Variants in FFAR4 observed in about 807,000 individuals in gnomAD.
FFAR4 encodes the protein free fatty acid receptor 4.
In FFAR4, 19 loss-of-function variants were observed where a neutral mutation model predicts 27.0. The observed-to-expected ratio is 0.70, with a 90% CI of 0.49 to 1.03. FFAR4 has a LOEUF of 1.03. FFAR4 is among the 50% of genes least tolerant of loss of function. FFAR4 has a pLI of 0.00. For synonymous variants in FFAR4, 254 were observed against 215.6 expected, an observed-to-expected ratio of 1.18 and a Z score of -1.56; for missense variants, 476 against 479.0, an observed-to-expected ratio of 0.99 and a Z score of 0.06.
rs118037779 is a variant in FFAR4 at position 93,587,078 on chromosome 10, C to T, written c.697-142C>T. The T allele has an allele frequency of 5.9e-3, 4,032 of 688,240 alleles. 16 individuals carry two copies. Among genetic ancestry groups the T allele is most frequent in the Middle Eastern group, 0.013 (31 of 2,406 alleles). 42.6% of individuals were successfully genotyped at this position (688,240 alleles called of 1,614,324 possible). A position where few individuals can be genotyped will look rare whatever the true frequency, so the allele number is the denominator to read the frequency against. On this transcript the variant is annotated intron_variant, in intron 2 of 2. Transcript: ENST00000371481. ...CGGGGTCCCATTTCTCCAGCACATC[C>T]TAAGCTCGGGCACACAAAGTCCCAG... is the stretch of plus-strand genomic sequence containing the variant.
chr10:93,576,453 T>A (rs2058164734), intron 2 of FFAR4, among the ~76,000 whole-genome samples: 1 of 152,182 alleles, frequency 6.6e-6, no homozygotes, highest in Non-Finnish European at 1.5e-5. Context: ...AAAATTAAAT[T>A]AAAATGAAAG....
At chr10:93,567,378 C>A in intron 1 of FFAR4, 91 bp downstream of exon 1, 2 of 1,092,948 alleles carry the variant, frequency 1.8e-6, no homozygotes, top group East Asian at 2.5e-5. Context: ...TGATCAAGAA[C>A]AACAATAGCC....
chr10:93,575,752 G>A lies in FFAR4; in HGVS notation c.568-339G>A, dbSNP rs114703310. 4.5e-3 allele frequency among the ~76,000 whole-genome samples: 680 copies of A among 152,340 alleles called. 7 individuals carry two copies. The highest frequency in any genetic ancestry group is 0.015 in the African/African-American group (640 of 41,578). ...TTCTCCTTTGTAAAATGGCAGGCTT[G>A]GAAGAGAAGGCTCGAAAGCCCTTTG... is the stretch of plus-strand genomic sequence containing the variant. On this transcript the variant is annotated intron_variant, in intron 1 of 2. Transcript: ENST00000371481.
intron 2 of FFAR4, among the ~76,000 whole-genome samples, chr10:93,585,440 C>G (rs2058221526): frequency 6.6e-6 from 1 of 152,224 alleles, no homozygotes; most frequent in African/African-American, 2.4e-5. Context: ...CTCTTTCTTG[C>G]TGGGGCAGGG....
At chr10:93,576,371 G>A (rs1484467201) in intron 2 of FFAR4, 152 bp downstream of exon 2, 1 of 712,746 alleles carries the variant, frequency 1.4e-6, no homozygotes, top group South Asian at 2.3e-5. Flanking sequence ...AGGAAGGAGA[G>A]GATTTTTTTA....
At chr10:93,587,098 TC>T in intron 2 of FFAR4, 121 bp from the exon 3 acceptor site, 1 of 822,572 alleles carries the variant, frequency 1.2e-6, no homozygotes, top group Non-Finnish European at 1.9e-6. Context: ...GCACACAAAG[TC>T]CCAGAGGCAC....
chr10:93,589,688 C>A lies in FFAR4; in HGVS notation c.*2079C>A, dbSNP rs2058251331. 1 of 151,946 alleles carries A rather than the reference C, an allele frequency of 6.6e-6. No homozygotes were observed. Among genetic ancestry groups the A allele is most frequent in the Non-Finnish European group, 1.5e-5 (1 of 68,014 alleles). 9.4% of individuals were successfully genotyped at this position (151,946 alleles called of 1,614,324 possible). ...TCCAAATTGAATAGGCAGTTGGATG[C>A]AGAGATGTGGAGCTTGGGCCTGGAG... is the stretch of plus-strand genomic sequence containing the variant. On this transcript the variant is annotated 3_prime_UTR_variant, in exon 3 of 3. Coordinates refer to ENST00000371481, the MANE Select transcript of FFAR4 (RefSeq NM_001195755.2).
At chr10:93,579,119 GTCTAAACCCACAGCCGGCC>G in intron 2 of FFAR4, 5 of 1,602,908 alleles carry the variant, frequency 3.1e-6, no homozygotes, top group Non-Finnish European at 4.3e-6. Context: ...AGCACCTTGT[GTCTAAACCCACAGCCGGCC>G]TTCACTTCTC....
chr10:93,578,531 C>G (rs1337914394), intron 2 of FFAR4, among the ~76,000 whole-genome samples: 2 of 151,420 alleles, frequency 1.3e-5, no homozygotes, highest in Non-Finnish European at 2.9e-5. Context: ...CTGCCACTTA[C>G]TTGCTGTGTG....
At chr10:93,573,263 A>G (rs1375562175) in intron 1 of FFAR4, among the ~76,000 whole-genome samples, 1 of 152,246 alleles carries the variant, frequency 6.6e-6, no homozygotes, top group African/African-American at 2.4e-5. Context: ...AAATGAATTA[A>G]AGAAGACTAT....
At chr10:93,580,648 A>G (rs1465613901) in intron 2 of FFAR4, among the ~76,000 whole-genome samples, 1 of 152,188 alleles carries the variant, frequency 6.6e-6, no homozygotes, top group East Asian at 1.9e-4. Flanking sequence ...TCCACAGAGC[A>G]TCTCTCTGCA....
chr10:93,567,067 A>G lies in FFAR4; in HGVS notation c.347A>G (p.Tyr116Cys). Residue 116 changes from tyrosine to cysteine, a missense_variant, in exon 1 of 3, where the codon TAC becomes TGC. Tyr to Cys is a radical substitution (Grantham distance 194). Coordinates refer to ENST00000371481, the MANE Select transcript of FFAR4 (RefSeq NM_001195755.2). ...CCCGTTGCCTGCCACCTGCTCTTCT[A>G]CGTGATGACCCTGAGCGGCAGCGTC... ...LGPVACHLLF[Y>C]VMTLSGSVTI... 1 of 1,611,164 alleles carries G rather than the reference A, an allele frequency of 6.2e-7. No homozygotes were observed.
chr10:93,567,126 C>T lies in FFAR4; in HGVS notation c.406C>T (p.Arg136Cys). The part of the protein sequence containing the change: ...ILTLAAVSLE[R>C]MVCIVHLQRG... ...CACGCTGGCCGCGGTCAGCCTGGAG[C>T]GCATGGTGTGCATCGTGCACCTGCA... Residue 136 changes from arginine (R) to cysteine (C), a missense_variant, in exon 1 of 3, where the codon CGC becomes TGC. Arg to Cys is a radical substitution (Grantham distance 180, BLOSUM62 -3). Transcript: ENST00000371481. 2 of 1,608,234 alleles carry T rather than the reference C, an allele frequency of 1.2e-6. No homozygotes were observed. The highest frequency in any genetic ancestry group is 8.5e-7 in the Non-Finnish European group (1 of 1,178,794).
Position 93,588,415 on chromosome 10 carries a change from A to C in FFAR4, c.*806A>C, listed in dbSNP as rs1352275906. The C allele has an allele frequency of 6.7e-6, 1 of 149,314 alleles. No individual in the cohort carries two copies. 9.2% of individuals were successfully genotyped at this position (149,314 alleles called of 1,614,324 possible). A position where few individuals can be genotyped will look rare whatever the true frequency, so the allele number is the denominator to read the frequency against. On this transcript the variant is annotated 3_prime_UTR_variant, in exon 3 of 3. Transcript: ENST00000371481. ...ACTTACTTTTTTTTTTTTTTCATTT[A>C]TAAAAATGCTATGGACCCTTTTAAG...
intron 1 of FFAR4, among the ~76,000 whole-genome samples, chr10:93,572,193 A>G (rs1370101036): frequency 1.3e-5 from 2 of 152,178 alleles, no homozygotes; most frequent in East Asian, 3.9e-4. Flanking sequence ...GAAGGGGATG[A>G]TTGCACAAGC....
intron 2 of FFAR4, among the ~76,000 whole-genome samples, chr10:93,576,777 T>G (rs1465260827): frequency 6.6e-6 from 1 of 152,248 alleles, no homozygotes; most frequent in Non-Finnish European, 1.5e-5. Context: ...GCTACAGATA[T>G]GACTTCATTT....
At chr10:93,583,218 C>G (rs1412326313) in intron 2 of FFAR4, among the ~76,000 whole-genome samples, 1 of 139,620 alleles carries the variant, frequency 7.2e-6, no homozygotes, top group East Asian at 2.1e-4. Flanking sequence ...CTGGCTAACA[C>G]GGTGAAACCC....
At position 93,589,379 on chromosome 10, in the gene FFAR4, G is replaced by C. The variant is rs1230112100; in HGVS notation, c.*1770G>C. On this transcript the variant is annotated 3_prime_UTR_variant, in exon 3 of 3. Transcript: ENST00000371481. ...TTGGGCAGCTGCTGAAGTGTGACAT[G>C]GGGATGGGACCTTGGAGGTGAGTGG... 6.6e-6 allele frequency: 1 copy of C among 152,518 alleles called. No homozygotes were observed. Among genetic ancestry groups the C allele is most frequent in the Non-Finnish European group, 1.5e-5 (1 of 68,134 alleles). 9.4% of individuals were successfully genotyped at this position (152,518 alleles called of 1,614,324 possible). A position where few individuals can be genotyped will look rare whatever the true frequency, so the allele number is the denominator to read the frequency against.
intron 2 of FFAR4, among the ~76,000 whole-genome samples, chr10:93,583,281 T>TG (rs550387080): frequency 0.02 from 3,040 of 148,896 alleles, 50 homozygotes; most frequent in Non-Finnish European, 0.031. Context: ...CCGGGCGTGA[T>TG]GGCGGGCGCC....
Sources: allele counts gnomAD v4.1 joint callset (sites outside exome capture counted in the v4.1 genomes callset), GRCh38; gene constraint gnomAD v4.1.1; transcripts MANE v1.5; gene names NCBI Gene and HGNC (gene_info 2026-07-23, HGNC 2026-07-21).